The following SPECC1 variants were observed in gnomAD, a reference collection of about 807,000 sequenced individuals.
The protein encoded by SPECC1 is sperm antigen with calponin homology and coiled-coil domains 1.
A neutral mutation model predicts 104.1 loss-of-function variants in SPECC1; 62 were observed. The ratio of observed to expected loss-of-function variants is 0.60; its 90% CI spans 0.49 to 0.74. SPECC1 has a LOEUF of 0.74. Ranked by LOEUF, SPECC1 falls within the 30% of genes least tolerant of loss-of-function variation. The pLI is 0.00. For missense variants in SPECC1, 1,306 were observed against 1,310.5 expected (o/e 1.00, Z 0.05); for synonymous variants, 513 against 501.6 (o/e 1.02, Z -0.30).
rs1421527680 is a variant in SPECC1 at position 20,205,408 on chromosome 17, T to C, written c.1359T>C (p.Asn453=). The C allele has an allele frequency of 6.2e-7, 1 of 1,613,906 alleles. No homozygotes were observed. Among genetic ancestry groups the C allele is most frequent in the South Asian group, 1.1e-5 (1 of 91,010 alleles). The change falls in exon 4 of 15, where the codon AAT becomes AAC. Residue 453 remains asparagine, a synonymous_variant. Coordinates refer to ENST00000395527, the MANE Select transcript of SPECC1 (RefSeq NM_001243439.2). ...ATCTTTTACAAGAGCGAGTAAAGAATGAAGAGCCCACCACTCAGGAAGGAA... is the reference window on the plus strand; with the variant it reads ...ATCTTTTACAAGAGCGAGTAAAGAACGAAGAGCCCACCACTCAGGAAGGAA... ...LMNLLQERVK[N]EEPTTQEGKI... is the part of the protein sequence containing the mutation.
At chr17:20,086,677 G>A (rs1406783471) in intron 1 of SPECC1, among the ~76,000 whole-genome samples, 1 of 152,160 alleles carries the variant, frequency 6.6e-6, no homozygotes, top group Admixed American at 6.5e-5. Context: ...AGAGGGAGGG[G>A]CAGTGGACGT....
At chr17:20,179,002 T>C (rs2151216282) in intron 3 of SPECC1, among the ~76,000 whole-genome samples, 1 of 152,182 alleles carries the variant, frequency 6.6e-6, no homozygotes, top group African/African-American at 2.4e-5. Flanking sequence ...TAGAATAGAG[T>C]CTGTATGGAT....
chr17:20,051,515 G>T (rs1282191659), intron 1 of SPECC1, among the ~76,000 whole-genome samples: 3 of 152,084 alleles, frequency 2.0e-5, no homozygotes, highest in Non-Finnish European at 4.4e-5. Flanking sequence ...TTTAAATTCT[G>T]TCCTGAATTT....
chr17:20,137,200 A>G (rs758677724), intron 3 of SPECC1, among the ~76,000 whole-genome samples: 1 of 152,196 alleles, frequency 6.6e-6, no homozygotes, highest in Non-Finnish European at 1.5e-5. Context: ...GCACATCAAG[A>G]ACGCCTGCAC....
intron 1 of SPECC1, among the ~76,000 whole-genome samples, chr17:20,077,314 T>C (rs1226955622): frequency 6.6e-6 from 1 of 152,180 alleles, no homozygotes; most frequent in African/African-American, 2.4e-5. Flanking sequence ...GAGCAACTCT[T>C]ATGTTTTCTA....
At chr17:20,029,141 C>T (rs1038668489) in intron 1 of SPECC1, among the ~76,000 whole-genome samples, 2 of 152,140 alleles carry the variant, frequency 1.3e-5, no homozygotes, top group Non-Finnish European at 2.9e-5. Flanking sequence ...TCTTTTGATC[C>T]ATGAACATGG....
At chr17:20,040,472 G>A (rs977653872) in intron 1 of SPECC1, among the ~76,000 whole-genome samples, 3 of 151,926 alleles carry the variant, frequency 2.0e-5, no homozygotes, top group African/African-American at 7.3e-5. Context: ...TTTTTGGTCT[G>A]TTGCATGATC....
intron 12 of SPECC1, among the ~76,000 whole-genome samples, chr17:20,289,362 C>T (rs530148684): frequency 8.6e-5 from 13 of 151,962 alleles, no homozygotes; most frequent in African/African-American, 2.9e-4. Flanking sequence ...AGGGCAGGGG[C>T]GCCATCTAGG....
chr17:20,021,947 T>C (rs913684086), intron 1 of SPECC1, among the ~76,000 whole-genome samples: 1 of 149,970 alleles, frequency 6.7e-6, no homozygotes, highest in African/African-American at 2.4e-5. Context: ...TTATAATTAT[T>C]ATTATATTTT....
chr17:20,189,513 G>T (rs1461510092), intron 3 of SPECC1, among the ~76,000 whole-genome samples: 1 of 152,188 alleles, frequency 6.6e-6, no homozygotes, highest in Non-Finnish European at 1.5e-5. Flanking sequence ...GCAGCTGGTT[G>T]TGTGGGCCGC....
intron 3 of SPECC1, among the ~76,000 whole-genome samples, chr17:20,145,494 G>A (rs2031359285): frequency 6.6e-6 from 1 of 152,024 alleles, no homozygotes; most frequent in Non-Finnish European, 1.5e-5. Flanking sequence ...AGCTCCCCTC[G>A]TCATCACGAG....
At chr17:20,207,368 C>G (rs536545853) in intron 4 of SPECC1, among the ~76,000 whole-genome samples, 3 of 152,112 alleles carry the variant, frequency 2.0e-5, no homozygotes, top group South Asian at 4.1e-4. Context: ...GGAAGTAATT[C>G]CATTAGAGGT....
rs777469446 is a variant in SPECC1, at chr17:20,257,514, T to C, written c.2744T>C (p.Leu915Pro). 1 of 1,613,036 alleles carries C rather than the reference T, an allele frequency of 6.2e-7. No individual in the cohort carries two copies. Among genetic ancestry groups the C allele is most frequent in the Non-Finnish European group, 8.5e-7 (1 of 1,179,772 alleles). The change falls in exon 11 of 15, where the codon CTA (leucine) becomes CCA (proline). Residue 915 changes from leucine to proline, a missense_variant. Transcript: ENST00000395527. ...CCCCACCTCCGCAAGAGTCCCTCAC[T>C]AGAGTCACTGAGCAGACCCCCGTCT... ...PDPHLRKSPS[L>P]ESLSRPPSLG...
At chr17:20,113,055 C>G (rs868269894) in intron 3 of SPECC1, 1 of 751,446 alleles carries the variant, frequency 1.3e-6, no homozygotes, top group African/African-American at 1.7e-5. Context: ...TTTCTTTCTC[C>G]ACCCGCTCAG....
intron 1 of SPECC1, among the ~76,000 whole-genome samples, chr17:20,089,898 G>C (rs918466961): frequency 6.6e-6 from 1 of 152,188 alleles, no homozygotes; most frequent in African/African-American, 2.4e-5. Flanking sequence ...AAGAGCAAGA[G>C]AAAGGCTGTG....
At chr17:20,198,382 C>G (rs1339597816) in intron 3 of SPECC1, among the ~76,000 whole-genome samples, 1 of 152,108 alleles carries the variant, frequency 6.6e-6, no homozygotes, top group Non-Finnish European at 1.5e-5. Flanking sequence ...AGAGAAAGAC[C>G]CACCCATTGC....
At chr17:20,192,258 A>T (rs929734327) in intron 3 of SPECC1, among the ~76,000 whole-genome samples, 5 of 152,026 alleles carry the variant, frequency 3.3e-5, no homozygotes, top group African/African-American at 1.2e-4. Context: ...TACAGGTGTG[A>T]GCCATTACAC....
Position 20,227,419 on chromosome 17 carries a change from A to G in SPECC1, c.1870A>G (p.Lys624Glu), listed in dbSNP as rs759674296. The change falls in exon 5 of 15, where the codon AAG becomes GAG. Residue 624 changes from lysine (K) to glutamate (E), a missense_variant. Around this residue, in one of 2 missense-constraint regions of SPECC1, gnomAD observed 1,177 missense variants for 1,139.9 expected, o/e 1.03. Coordinates refer to ENST00000395527, the MANE Select transcript of SPECC1 (RefSeq NM_001243439.2). Reference protein sequence around the residue: ...HVSSLLAKVEKDYSYLKEICD... With the variant: ...HVSSLLAKVEEDYSYLKEICD... ...AACCTTCCTTTTATTTTAGGTGGAA[A>G]AGGATTATTCATACCTGAAGGAGAT... is the stretch of plus-strand genomic sequence containing the variant. 12 of 1,611,108 alleles carry G rather than the reference A, an allele frequency of 7.4e-6. No individual in the cohort carries two copies. Among genetic ancestry groups the G allele is most frequent in the Non-Finnish European group, 1.0e-5 (12 of 1,178,948 alleles).
chr17:20,284,432 C>T (rs936726149), intron 12 of SPECC1, among the ~76,000 whole-genome samples: 2 of 152,214 alleles, frequency 1.3e-5, no homozygotes, highest in Non-Finnish European at 2.9e-5. Flanking sequence ...GTGTGCAGGA[C>T]GAGGCCACTC....
Sources: allele counts gnomAD v4.1 joint callset (sites outside exome capture counted in the v4.1 genomes callset), GRCh38; gene constraint gnomAD v4.1.1; regional missense constraint gnomAD v4.1.1; transcripts MANE v1.5; gene names NCBI Gene and HGNC (gene_info 2026-07-23, HGNC 2026-07-21).